Variants in PIK3C2G observed in about 807,000 individuals in gnomAD.
PIK3C2G encodes the protein phosphatidylinositol 3-kinase C2 domain-containing subunit gamma.
PIK3C2G carries 168 observed loss-of-function variants against 181.1 expected under a neutral mutation model. That is an observed-to-expected ratio of 0.93 (90% CI 0.82 to 1.05). PIK3C2G has a LOEUF of 1.05. Among genes scored for constraint, PIK3C2G ranks in the 50% least tolerant of loss-of-function variants. The pLI is 0.00. For synonymous variants in PIK3C2G, 573 were observed against 592.2 expected (o/e 0.97, Z 0.47); for missense variants, 1,869 against 1,732.8 (o/e 1.08, Z -1.40).
At chr12:18,562,099 T>A (rs1248660630) in intron 26 of PIK3C2G, among the ~76,000 whole-genome samples, 6 of 152,334 alleles carry the variant, frequency 3.9e-5, no homozygotes, top group Admixed American at 6.5e-5. Flanking sequence ...TTAAATTTTT[T>A]AAAAATTCCC....
chr12:18,677,329 A>G, the PIK3C2G span, among the ~76,000 whole-genome samples: 3 of 152,144 alleles, frequency 2.0e-5, no homozygotes, highest in Admixed American at 6.6e-5. Flanking sequence ...ACATAGGCTG[A>G]ATCAGCACCG....
chr12:18,535,631 T>C (rs1217741563), intron 24 of PIK3C2G, among the ~76,000 whole-genome samples: 3 of 152,086 alleles, frequency 2.0e-5, no homozygotes, highest in Non-Finnish European at 4.4e-5. Context: ...TTTCAGGAAG[T>C]TGTAAAAAAT....
chr12:18,580,637 T>G (rs1185301961), intron 29 of PIK3C2G, among the ~76,000 whole-genome samples: 1 of 152,210 alleles, frequency 6.6e-6, no homozygotes, highest in African/African-American at 2.4e-5. Context: ...ACTAGAATTG[T>G]AAAGGATTCT....
At chr12:18,300,444 C>T (rs1950126911) in intron 5 of PIK3C2G, among the ~76,000 whole-genome samples, 1 of 151,700 alleles carries the variant, frequency 6.6e-6, no homozygotes, top group Admixed American at 6.6e-5. Flanking sequence ...GCTACTTCTG[C>T]TTACTTTTGG....
intron 16 of PIK3C2G, among the ~76,000 whole-genome samples, chr12:18,406,251 A>C (rs1944522410): frequency 6.6e-6 from 1 of 152,218 alleles, no homozygotes; most frequent in Admixed American, 6.5e-5. Context: ...TTGTGTGTAC[A>C]TACCACAGTG....
downstream of PIK3C2G, among the ~76,000 whole-genome samples, chr12:18,650,730 A>ATATATC (rs1565602799): frequency 1.2e-4 from 3 of 25,188 alleles, no homozygotes; most frequent in South Asian, 1.8e-3. Context: ...ATATATATAT[A>ATATATC]TATATATATA....
chr12:18,338,381 CA>C, intron 8 of PIK3C2G, 44 bp from the exon 9 acceptor site: 1 of 1,399,662 alleles, frequency 7.1e-7, no homozygotes, highest in Non-Finnish European at 9.8e-7. Flanking sequence ...AATGTCCCCT[CA>C]TTTATTTCAA....
At chr12:18,283,828 A>C (rs1392700497) in intron 2 of PIK3C2G, among the ~76,000 whole-genome samples, 1 of 152,126 alleles carries the variant, frequency 6.6e-6, no homozygotes, top group Non-Finnish European at 1.5e-5. Context: ...CAATTAGACG[A>C]AATAAGTGAA....
upstream of PIK3C2G, among the ~76,000 whole-genome samples, chr12:18,260,673 G>T (rs896235075): frequency 6.6e-6 from 1 of 151,698 alleles, no homozygotes; most frequent in African/African-American, 2.4e-5. Flanking sequence ...AATCTAAAAA[G>T]AAGAAAAAAG....
downstream of PIK3C2G, among the ~76,000 whole-genome samples, chr12:18,649,409 T>C (rs1294089092): frequency 6.6e-6 from 1 of 152,148 alleles, no homozygotes; most frequent in Non-Finnish European, 1.5e-5. Flanking sequence ...AACATTGCTA[T>C]TGAAATCCTC....
At chr12:18,701,613 TCCTCCTCC>T in the PIK3C2G span, 1 of 41,290 alleles carries the variant, frequency 2.4e-5, no homozygotes, top group Non-Finnish European at 2.9e-5. Context: ...TTTATCCTCC[TCCTCCTCC>T]TCCTCCTCCT....
chr12:18,344,022 T>A (rs1939405834), intron 10 of PIK3C2G, among the ~76,000 whole-genome samples: 1 of 152,256 alleles, frequency 6.6e-6, no homozygotes, highest in Non-Finnish European at 1.5e-5. Context: ...AGACTCTGCT[T>A]TCAGAGTCTG....
upstream of PIK3C2G, among the ~76,000 whole-genome samples, chr12:18,243,935 G>A (rs1288305503): frequency 6.6e-6 from 1 of 151,838 alleles, no homozygotes; most frequent in Non-Finnish European, 1.5e-5. Flanking sequence ...TATTATAACA[G>A]ACAAAAGAAT....
At chr12:18,421,992 A>C (rs1565704362) in intron 17 of PIK3C2G, among the ~76,000 whole-genome samples, 1 of 152,164 alleles carries the variant, frequency 6.6e-6, no homozygotes, top group East Asian at 1.9e-4. Context: ...ATAAGGGTTA[A>C]TCTAACTTAC....
At chr12:18,718,469 T>C in the PIK3C2G span, among the ~76,000 whole-genome samples, 1 of 152,164 alleles carries the variant, frequency 6.6e-6, no homozygotes, top group Non-Finnish European at 1.5e-5. Context: ...ATTAACTGAC[T>C]CTGCCTACCT....
chr12:18,376,112 C>G (rs899633703), intron 13 of PIK3C2G, among the ~76,000 whole-genome samples: 1 of 152,296 alleles, frequency 6.6e-6, no homozygotes, highest in African/African-American at 2.4e-5. Flanking sequence ...AGAGTCCTTA[C>G]TGGGGCACTG....
At chr12:18,394,978 C>T (rs58127897) in intron 15 of PIK3C2G, among the ~76,000 whole-genome samples, 19,399 of 151,350 alleles carry the variant, frequency 0.13, 1,287 homozygotes, top group African/African-American at 0.16. Flanking sequence ...ACATACTCTC[C>T]CTTTCTTTCT....
intron 26 of PIK3C2G, among the ~76,000 whole-genome samples, chr12:18,551,073 C>T (rs1299626738): frequency 6.6e-6 from 1 of 151,986 alleles, no homozygotes; most frequent in Non-Finnish European, 1.5e-5. Flanking sequence ...AAATCCTGTA[C>T]AATTAATGGT....
intron 13 of PIK3C2G, 22 bp from the exon 14 acceptor site, chr12:18,381,744 G>C: frequency 7.6e-7 from 1 of 1,312,620 alleles, no homozygotes; most frequent in Non-Finnish European, 1.1e-6. Flanking sequence ...CTGTCTGTGT[G>C]TGTGTGTGTT....
Sources: allele counts gnomAD v4.1 joint callset (sites outside exome capture counted in the v4.1 genomes callset), GRCh38; gene constraint gnomAD v4.1.1; transcripts MANE v1.5; gene names NCBI Gene and HGNC (gene_info 2026-07-23, HGNC 2026-07-21).